The following ARHGAP30 variants were observed in gnomAD, a reference collection of about 807,000 sequenced individuals.
ARHGAP30 encodes rho GTPase-activating protein 30.
ARHGAP30 carries 23 observed loss-of-function variants against 72.0 expected under a neutral mutation model. That is an observed-to-expected ratio of 0.32 (90% CI 0.23 to 0.45). The LOEUF (loss-of-function observed/expected upper bound fraction) is 0.45. Among genes scored for constraint, ARHGAP30 ranks in the 20% least tolerant of loss-of-function variants. ARHGAP30 has a pLI of 1.00. For synonymous variants in ARHGAP30, 576 were observed against 528.2 expected (o/e 1.09, Z -1.24); for missense variants, 1,319 against 1,383.4 (o/e 0.95, Z 0.74).
In ARHGAP30 at chr1:161,069,559, C is replaced by A. The variant is rs760111877; in HGVS notation, c.66G>T (p.Leu22Phe). The change falls in exon 1 of 12, where the codon TTG becomes TTT. Residue 22 changes from leucine to phenylalanine, a missense_variant. Physicochemically the swap from Leu to Phe is conservative, Grantham distance 22. Coordinates refer to ENST00000368013, the MANE Select transcript of ARHGAP30 (RefSeq NM_001025598.2). This position sits in a 1 kb window ranked among gnomAD's most constrained non-coding sequence, Gnocchi z 4.9. ...GGCCTGAGTGCTGCAGGTGCTCCTGCAAGTCGCACCCAAAAACCCGCTCCT... is the reference window on the plus strand; with the variant it reads ...GGCCTGAGTGCTGCAGGTGCTCCTGAAAGTCGCACCCAAAAACCCGCTCCT... ...SAKERVFGCD[L>F]QEHLQHSGQE... The A allele has an allele frequency of 6.2e-7, 1 of 1,611,378 alleles. No homozygotes were observed. Among genetic ancestry groups the A allele is most frequent in the South Asian group, 1.1e-5 (1 of 91,090 alleles).
rs763952247 is a variant in ARHGAP30, at chr1:161,051,435, G to A, written c.1299C>T (p.Asn433=). The A allele has an allele frequency of 7.4e-6, 12 of 1,614,138 alleles. No homozygotes were observed. The South Asian group carries it at 1.1e-4, about 15-fold the overall frequency. Residue 433 remains asparagine, a synonymous_variant, in exon 10 of 12, where the codon AAC becomes AAT. Coordinates refer to ENST00000368013, the MANE Select transcript of ARHGAP30 (RefSeq NM_001025598.2). ...HITSILSVPP[N]IISNVSLARL... ...TGGCCAAGGAAACGTTAGAGATGATGTTCGGGGGCACACTGAGGATAGAGG... is the reference window on the plus strand; with the variant it reads ...TGGCCAAGGAAACGTTAGAGATGATATTCGGGGGCACACTGAGGATAGAGG...
Position 161,048,706 on chromosome 1 carries a change from C to T in ARHGAP30, c.2315G>A (p.Gly772Glu), listed in dbSNP as rs373107765. ...QVEAGRDLEQ[G>E]AQEDQVAEEK... is the part of the protein sequence containing the mutation. ...CTCAGCAACTTGATCTTCCTGGGCC[C>T]CTTGCTCTAGGTCCCTTCCAGCTTC... Residue 772 changes from glycine to glutamate, a missense_variant, in exon 12 of 12, where the codon GGG (glycine) becomes GAG (glutamate). By Grantham distance (98) the Gly-to-Glu change is moderately conservative. This residue lies in a region of ARHGAP30 where 1,097 missense variants were observed against 1,045.2 expected (regional missense o/e 1.05). Transcript: ENST00000368013. 1 of 1,614,098 alleles carries T rather than the reference C, an allele frequency of 6.2e-7. No individual in the cohort carries two copies. The highest frequency in any genetic ancestry group is 1.1e-5 in the South Asian group (1 of 91,078).
intron 1 of ARHGAP30, among the ~76,000 whole-genome samples, chr1:161,065,225 C>T (rs1297266326): frequency 6.6e-6 from 1 of 152,146 alleles, no homozygotes; most frequent in Non-Finnish European, 1.5e-5. Context: ...ATCTGCCTGC[C>T]TCGGCCTCCT....
chr1:161,064,765 G>T (rs1571120518), intron 1 of ARHGAP30, among the ~76,000 whole-genome samples: 1 of 104,776 alleles, frequency 9.5e-6, no homozygotes, highest in Admixed American at 1.1e-4. Flanking sequence ...GAAAGAGAAA[G>T]AAAGAAAGAA....
At chr1:161,053,411 C>G in intron 5 of ARHGAP30, 26 bp from the exon 6 acceptor site, 1 of 1,610,280 alleles carries the variant, frequency 6.2e-7, no homozygotes, top group Non-Finnish European at 8.5e-7. Flanking sequence ...ATTATTCTCC[C>G]CCTCAGCCCC....
At chr1:161,064,566 C>T (rs1652547993) in intron 1 of ARHGAP30, among the ~76,000 whole-genome samples, 1 of 151,880 alleles carries the variant, frequency 6.6e-6, no homozygotes, top group African/African-American at 2.4e-5. Context: ...CAAGAACAGC[C>T]TGGGTAGCAT....
rs763044183 is a variant in ARHGAP30, at chr1:161,051,331, A to AGGCCAG, written c.1397_1402dup (p.Pro466_Gly467dup). On this transcript the variant is annotated inframe_insertion, in exon 10 of 12. Coordinates refer to ENST00000368013, the MANE Select transcript of ARHGAP30 (RefSeq NM_001025598.2). ...GTCCTCACCTGGGGGGCCAGGGCCA[A>AGGCCAG]GGCCAGGGCCAGGGCCAGGGCCAGA... The AGGCCAG allele has an allele frequency of 6.1e-5, 98 of 1,603,136 alleles. No homozygotes were observed. The highest frequency in any genetic ancestry group is 1.0e-4 in the Admixed American group (6 of 59,222).
At chr1:161,052,246 GCA>G (rs759354496) in intron 9 of ARHGAP30, 38 bp downstream of exon 9, 8 of 1,606,536 alleles carry the variant, frequency 5.0e-6, no homozygotes, top group Admixed American at 1.7e-5. Flanking sequence ...TGGTCACATA[GCA>G]CACACACATA....
At chr1:161,051,089 A>G (rs1651323104) in intron 10 of ARHGAP30, among the ~76,000 whole-genome samples, 1 of 152,182 alleles carries the variant, frequency 6.6e-6, no homozygotes. Context: ...TGGGTACATC[A>G]ATGTTCTGAA....
At chr1:161,050,295 CTTTTTTTTTTTT>C (rs34136308) in intron 10 of ARHGAP30, among the ~76,000 whole-genome samples, 8 of 118,622 alleles carry the variant, frequency 6.7e-5, no homozygotes, top group Non-Finnish European at 7.1e-5. Context: ...GCACTTGGAC[CTTTTTTTTTTTT>C]TTTTTTTTTG....
chr1:161,053,462 T>TCTCTC, intron 5 of ARHGAP30, 77 bp from the exon 6 acceptor site: 3 of 689,134 alleles, frequency 4.4e-6, no homozygotes, highest in South Asian at 1.8e-5. Context: ...AAATACCTTA[T>TCTCTC]TCTCTCTCTC....
chr1:161,058,687 C>G (rs1652082280), intron 2 of ARHGAP30, among the ~76,000 whole-genome samples: 1 of 147,166 alleles, frequency 6.8e-6, no homozygotes, highest in African/African-American at 2.5e-5. Context: ...ATAGTGAAAC[C>G]CCATTTCTAC....
At position 161,055,931 on chromosome 1, in the gene ARHGAP30, AAAAT is replaced by A. The variant is rs765168262; in HGVS notation, c.345+453_345+456del. Among the ~76,000 whole-genome samples, 18 of 24,772 alleles carry A rather than the reference AAAAT, an allele frequency of 7.3e-4. 2 individuals carry two copies. The highest frequency in any genetic ancestry group is 2.1e-3 in the African/African-American group (16 of 7,774). The allele number at this position is 24,772 out of a possible 152,430, so 16.3% of individuals were successfully genotyped here. ...AAAATAAAATAAAATAAAATAAAAT[AAAAT>A]AAATATAAAATAAAATAAAATACCA... On this transcript the variant is annotated intron_variant, in intron 3 of 11. Transcript: ENST00000368013.
At chr1:161,063,554 C>A (rs186719336) in intron 1 of ARHGAP30, among the ~76,000 whole-genome samples, 2 of 152,140 alleles carry the variant, frequency 1.3e-5, no homozygotes, top group African/African-American at 4.8e-5. Flanking sequence ...GCGTTAACTA[C>A]ACAAATTGTA....
chr1:161,055,882 A>AAT (rs1571094598), intron 3 of ARHGAP30, among the ~76,000 whole-genome samples: 2 of 41,994 alleles, frequency 4.8e-5, no homozygotes, highest in African/African-American at 1.5e-4. Flanking sequence ...AAATAAAATA[A>AAT]AAATAAATAA....
rs1481756887 is a variant in ARHGAP30, at chr1:161,051,684, G to A, written c.1050C>T (p.Pro350=). 2 of 1,611,750 alleles carry A rather than the reference G, an allele frequency of 1.2e-6. No homozygotes were observed. Among genetic ancestry groups the A allele is most frequent in the Non-Finnish European group, 1.7e-6 (2 of 1,179,480 alleles). Residue 350 remains proline (P), a synonymous_variant, in exon 10 of 12, where the codon CCC becomes CCT. Transcript: ENST00000368013. Reference sequence around the variant, plus strand: ...TCTCAGGCAGCAATGGGCTTGGCCGGGGGCTGCTGGGCCCCACCAGCCCCT... The same window carrying A: ...TCTCAGGCAGCAATGGGCTTGGCCGAGGGCTGCTGGGCCCCACCAGCCCCT... ...EPEGLVGPSS[P]RPSPLLPESL...
chr1:161,050,656 T>G (rs1651291288), intron 10 of ARHGAP30, among the ~76,000 whole-genome samples: 1 of 151,450 alleles, frequency 6.6e-6, no homozygotes, highest in Non-Finnish European at 1.5e-5. Flanking sequence ...TTTTTTTAAT[T>G]TGAGACAGAG....
At chr1:161,062,144 C>T (rs569408389) in intron 1 of ARHGAP30, among the ~76,000 whole-genome samples, 127 of 152,150 alleles carry the variant, frequency 8.3e-4, no homozygotes, top group Admixed American at 3.3e-3. Context: ...CACCAGGCCA[C>T]GTAGTTATCT....
intron 1 of ARHGAP30, among the ~76,000 whole-genome samples, chr1:161,064,842 AAAG>A (rs1557935539): frequency 1.2e-5 from 1 of 81,526 alleles, no homozygotes; most frequent in African/African-American, 4.1e-5. Context: ...AGAAAGAAAG[AAAG>A]AAAGGAAAGG....
Sources: allele counts gnomAD v4.1 joint callset (sites outside exome capture counted in the v4.1 genomes callset), GRCh38; gene constraint gnomAD v4.1.1; regional missense constraint gnomAD v4.1.1; non-coding constraint Gnocchi (gnomAD v3.1); transcripts MANE v1.5; gene names NCBI Gene and HGNC (gene_info 2026-07-23, HGNC 2026-07-21).